Variants in LRP1B observed in about 807,000 individuals in gnomAD.
LRP1B encodes low-density lipoprotein receptor-related protein 1B.
Under a neutral mutation model 556.6 loss-of-function variants are expected in LRP1B, and 217 were observed. The ratio of observed to expected loss-of-function variants is 0.39; its 90% CI spans 0.35 to 0.44. The LOEUF (loss-of-function observed/expected upper bound fraction) is 0.44, where lower values mean the gene tolerates loss of function less well. Ranked by LOEUF, LRP1B falls within the 20% of genes least tolerant of loss-of-function variation. LRP1B has a pLI of 1.00. For missense variants in LRP1B, 5,053 were observed against 5,620.8 expected, an observed-to-expected ratio of 0.90 and a Z score of 3.23; for synonymous variants, 2,047 against 1,865.8, an observed-to-expected ratio of 1.10 and a Z score of -2.50.
intron 7 of LRP1B, among the ~76,000 whole-genome samples, chr2:141,100,707 G>A (rs1049715114): frequency 6.6e-6 from 1 of 152,156 alleles, no homozygotes; most frequent in East Asian, 1.9e-4. Flanking sequence ...TCCACTGAGG[G>A]TTTGCTGTTG....
At chr2:140,238,996 AATG>A (rs1005510381) in intron 88 of LRP1B, among the ~76,000 whole-genome samples, 1 of 150,906 alleles carries the variant, frequency 6.6e-6, no homozygotes, top group African/African-American at 2.4e-5. Flanking sequence ...TATAAATTGA[AATG>A]ATACTTCTAA....
chr2:141,559,805 A>T (rs1292811830), intron 2 of LRP1B, among the ~76,000 whole-genome samples: 1 of 151,618 alleles, frequency 6.6e-6, no homozygotes, highest in African/African-American at 2.4e-5. Flanking sequence ...TGAAAAATAC[A>T]TTTTCCTACT....
At chr2:140,836,830 G>C (rs1691921159) in intron 31 of LRP1B, among the ~76,000 whole-genome samples, 1 of 152,166 alleles carries the variant, frequency 6.6e-6, no homozygotes, top group Admixed American at 6.5e-5. Flanking sequence ...ATCAATCTTG[G>C]CACCTGCTTA....
chr2:140,308,716 CAT>C (rs537068327), intron 83 of LRP1B, among the ~76,000 whole-genome samples: 209 of 151,850 alleles, frequency 1.4e-3, no homozygotes, highest in African/African-American at 4.4e-3. Context: ...CTAATAAAAA[CAT>C]TGAGTGTAAG....
chr2:141,807,504 A>G (rs1696203720), intron 2 of LRP1B, among the ~76,000 whole-genome samples: 1 of 152,152 alleles, frequency 6.6e-6, no homozygotes, highest in Non-Finnish European at 1.5e-5. Context: ...ATGAATGGCC[A>G]AAGTGAAGAA....
intron 2 of LRP1B, among the ~76,000 whole-genome samples, chr2:141,619,051 C>A (rs1688409995): frequency 6.6e-6 from 1 of 152,172 alleles, no homozygotes; most frequent in Admixed American, 6.5e-5. Flanking sequence ...AACAGAGTAA[C>A]TCACCTATTA....
At chr2:141,385,863 C>T (rs1689815977) in intron 3 of LRP1B, among the ~76,000 whole-genome samples, 1 of 152,118 alleles carries the variant, frequency 6.6e-6, no homozygotes, top group South Asian at 2.1e-4. Flanking sequence ...CATACTGGTG[C>T]TACTAGGATG....
chr2:141,014,187 C>G (rs1697836391), intron 13 of LRP1B, among the ~76,000 whole-genome samples: 1 of 152,014 alleles, frequency 6.6e-6, no homozygotes. Flanking sequence ...AGAACATGTT[C>G]AAACAGCATT....
chr2:140,528,899 G>A (rs1360605886), intron 47 of LRP1B, among the ~76,000 whole-genome samples: 2 of 152,028 alleles, frequency 1.3e-5, no homozygotes, highest in Non-Finnish European at 2.9e-5. Context: ...GGTCAGTTAA[G>A]TATTGAAATT....
At chr2:140,376,036 G>T (rs1446184905) in intron 68 of LRP1B, among the ~76,000 whole-genome samples, 1 of 149,724 alleles carries the variant, frequency 6.7e-6, no homozygotes, top group Non-Finnish European at 1.5e-5. Flanking sequence ...GTTCTAGACT[G>T]TAAAAAAAAA....
intron 4 of LRP1B, among the ~76,000 whole-genome samples, chr2:141,249,536 GC>G (rs796643494): frequency 3.3e-5 from 5 of 152,098 alleles, no homozygotes; most frequent in African/African-American, 1.2e-4. Context: ...GGTGGAGGTT[GC>G]AGTGAGTCGA....
intron 41 of LRP1B, among the ~76,000 whole-genome samples, chr2:140,608,586 C>T (rs1450425849): frequency 6.6e-6 from 1 of 152,208 alleles, no homozygotes; most frequent in Admixed American, 6.5e-5. Context: ...TGCAGAGATG[C>T]AACTCTATTT....
At chr2:140,852,525 C>A (rs541618992) in intron 27 of LRP1B, among the ~76,000 whole-genome samples, 1 of 152,214 alleles carries the variant, frequency 6.6e-6, no homozygotes, top group African/African-American at 2.4e-5. Context: ...CTTTTAGAGG[C>A]TTCCCTAGGA....
chr2:140,338,655 T>C (rs1343482272), intron 77 of LRP1B, among the ~76,000 whole-genome samples: 2 of 151,716 alleles, frequency 1.3e-5, no homozygotes, highest in Non-Finnish European at 2.9e-5. Context: ...GATCTTCATA[T>C]TATGATCACA....
chr2:140,529,480 C>G (rs1014598672), intron 47 of LRP1B, among the ~76,000 whole-genome samples: 2 of 151,676 alleles, frequency 1.3e-5, no homozygotes, highest in Admixed American at 1.3e-4. Flanking sequence ...TTTTCATTTA[C>G]TTTCAAACAA....
chr2:140,235,209 T>C (rs1011965097), intron 89 of LRP1B, among the ~76,000 whole-genome samples: 1 of 151,174 alleles, frequency 6.6e-6, no homozygotes, highest in Non-Finnish European at 1.5e-5. Context: ...TTATCTCTTT[T>C]AAACTCTTCA....
intron 32 of LRP1B, among the ~76,000 whole-genome samples, chr2:140,791,653 C>T (rs2104987398): frequency 6.6e-6 from 1 of 152,220 alleles, no homozygotes; most frequent in South Asian, 2.1e-4. Flanking sequence ...AACTTCTAGC[C>T]ATTTCCAAAG....
chr2:141,388,293 G>T (rs553401431), intron 3 of LRP1B, among the ~76,000 whole-genome samples: 1 of 152,146 alleles, frequency 6.6e-6, no homozygotes, highest in Non-Finnish European at 1.5e-5. Flanking sequence ...AATATTAGCT[G>T]GGTATGGTGG....
At chr2:140,294,613 G>A (rs930769640) in intron 84 of LRP1B, among the ~76,000 whole-genome samples, 1 of 152,144 alleles carries the variant, frequency 6.6e-6, no homozygotes, top group Non-Finnish European at 1.5e-5. Flanking sequence ...ATATAGGGAA[G>A]GGCAATTGGT....
Sources: allele counts gnomAD v4.1 joint callset (sites outside exome capture counted in the v4.1 genomes callset), GRCh38; gene constraint gnomAD v4.1.1; transcripts MANE v1.5; gene names NCBI Gene and HGNC (gene_info 2026-07-23, HGNC 2026-07-21).